POU4F2: variants seen among roughly 807,000 people sequenced by gnomAD.
POU4F2 encodes POU domain, class 4, transcription factor 2.
Under a neutral mutation model 21.5 loss-of-function variants are expected in POU4F2, and 10 were observed. The observed-to-expected ratio is 0.46, with a 90% CI of 0.29 to 0.79. POU4F2 has a LOEUF of 0.79. POU4F2 is among the 30% of genes least tolerant of loss of function. The pLI, the probability that POU4F2 is intolerant of heterozygous loss-of-function variation, is 0.10. For missense variants in POU4F2, 623 were observed against 603.3 expected, an observed-to-expected ratio of 1.03 and a Z score of -0.34; for synonymous variants, 324 against 271.1, an observed-to-expected ratio of 1.20 and a Z score of -1.92.
In POU4F2 at chr4:146,639,136, G is replaced by A. The variant is rs1243769635; in HGVS notation, c.-5G>A. The stretch of plus-strand genomic sequence containing the variant: ...CTACGGACCAGCGCCCCGGCGGGCG[G>A]GAAGATGATGATGATGTCCCTGAAC... On this transcript the variant is annotated 5_prime_UTR_variant, in exon 1 of 2. Coordinates refer to ENST00000281321, the MANE Select transcript of POU4F2 (RefSeq NM_004575.3). 1 of 1,603,360 alleles carries A rather than the reference G, an allele frequency of 6.2e-7. No individual in the cohort carries two copies. The highest frequency in any genetic ancestry group is 1.4e-5 in the African/African-American group (1 of 74,034).
chr4:146,639,935 C>T lies in POU4F2; in HGVS notation c.357C>T (p.Ile119=), dbSNP rs572923830. Residue 119 remains isoleucine, a synonymous_variant, in exon 2 of 2, where the codon ATC becomes ATT. Transcript: ENST00000281321. ...CCGAGGCTCTGGCAGCCGTGGACAT[C>T]GTCTCCCAGAGCAAGAGCCACCACC... ...ARAEALAAVD[I]VSQSKSHHHH... 2 of 1,599,406 alleles carry T rather than the reference C, an allele frequency of 1.3e-6. No homozygotes were observed. The highest frequency in any genetic ancestry group is 2.2e-5 in the East Asian group (1 of 44,692).
At position 146,640,628 on chromosome 4, in the gene POU4F2, G is replaced by C; in HGVS notation, c.1050G>C (p.Thr350=). 1.2e-6 allele frequency: 2 copies of C among 1,614,258 alleles called. No homozygotes were observed. Among genetic ancestry groups the C allele is most frequent in the East Asian group, 2.2e-5 (1 of 44,884 alleles). ...GCGCGGAGAAGAAGCGCAAGCGCAC[G>C]TCCATCGCTGCGCCAGAGAAGCGCT... ...FNGAEKKRKR[T]SIAAPEKRSL... The change falls in exon 2 of 2, where the codon ACG becomes ACC. Residue 350 remains threonine (T), a synonymous_variant. Coordinates refer to ENST00000281321, the MANE Select transcript of POU4F2 (RefSeq NM_004575.3). This position sits in a 1 kb window ranked among gnomAD's most constrained non-coding sequence, Gnocchi z 4.8.
chr4:146,639,857 A>T lies in POU4F2; in HGVS notation c.289-10A>T. ...TGAGCGTAATGTGTGCCTTCTACTTACAATTGCAGAGCAATATATTCGGCG... is the reference window on the plus strand; with the variant it reads ...TGAGCGTAATGTGTGCCTTCTACTTTCAATTGCAGAGCAATATATTCGGCG... On this transcript the variant is annotated splice_polypyrimidine_tract_variant and intron_variant, in intron 1 of 1. Coordinates refer to ENST00000281321, the MANE Select transcript of POU4F2 (RefSeq NM_004575.3). The T allele has an allele frequency of 1.3e-6, 2 of 1,524,226 alleles. No homozygotes were observed. The highest frequency in any genetic ancestry group is 1.8e-6 in the Non-Finnish European group (2 of 1,134,772). The allele number at this position is 1,524,226 out of a possible 1,614,324, so 94.4% of individuals were successfully genotyped here. A position where few individuals can be genotyped will look rare whatever the true frequency, so the allele number is the denominator to read the frequency against.
At position 146,642,413 on chromosome 4, in the gene POU4F2, T is replaced by C. The variant is rs573705095; in HGVS notation, c.*1605T>C. On this transcript the variant is annotated 3_prime_UTR_variant, in exon 2 of 2. Transcript: ENST00000281321. ...CATTGAAGAGATAATTTTAATGTTTTATTGGCAACGTATGCTGCTTTTTCA... is the reference window on the plus strand; with the variant it reads ...CATTGAAGAGATAATTTTAATGTTTCATTGGCAACGTATGCTGCTTTTTCA... The C allele has an allele frequency of 2.6e-5, 4 of 152,358 alleles. No homozygotes were observed. Among genetic ancestry groups the C allele is most frequent in the African/African-American group, 9.6e-5 (4 of 41,578 alleles). The allele number at this position is 152,358 out of a possible 1,614,324, so 9.4% of individuals were successfully genotyped here.
rs746997301 is a variant in POU4F2, at chr4:146,640,106, TCAC to T, written c.546_548del (p.His182del). 7.9e-5 allele frequency: 127 copies of T among 1,597,944 alleles called. 1 individual carries two copies. In the East Asian group the frequency reaches 1.2e-3, roughly 15 times the overall value. On this transcript the variant is annotated inframe_deletion, in exon 2 of 2. Transcript: ENST00000281321. The surrounding 1 kb of genome is among the most constrained non-coding windows in gnomAD (Gnocchi z 4.8). ...CGGGCACGCACCACCACCACCACCA[TCAC>T]CACCACCACCACCACCAACCGCACC...
chr4:146,639,909 G>T lies in POU4F2; in HGVS notation c.331G>T (p.Ala111Ser), dbSNP rs776725541. The T allele has an allele frequency of 2.5e-6, 4 of 1,576,042 alleles. No individual in the cohort carries two copies. Among genetic ancestry groups the T allele is most frequent in the African/African-American group, 1.3e-5 (1 of 74,320 alleles). ...GGLDESLLAR[A>S]EALAAVDIVS... ...GCTGGATGAGAGTCTGCTGGCCCGCGCCGAGGCTCTGGCAGCCGTGGACAT... is the reference window on the plus strand; with the variant it reads ...GCTGGATGAGAGTCTGCTGGCCCGCTCCGAGGCTCTGGCAGCCGTGGACAT... Residue 111 changes from alanine (A) to serine (S), a missense_variant, in exon 2 of 2, where the codon GCC (alanine) becomes TCC (serine). By Grantham distance (99) the Ala-to-Ser change is moderately conservative. Transcript: ENST00000281321.
At position 146,641,988 on chromosome 4, in the gene POU4F2, C is replaced by T. The variant is rs998239016; in HGVS notation, c.*1180C>T. On this transcript the variant is annotated 3_prime_UTR_variant, in exon 2 of 2. Transcript: ENST00000281321. ...TTGCCCTTCAGATTTTAGATTTCAC[C>T]AAGGTATTTCAGTCTTCCAGTTTTC... is the stretch of plus-strand genomic sequence containing the variant. 1 of 152,584 alleles carries T rather than the reference C, an allele frequency of 6.6e-6. No individual in the cohort carries two copies. Among genetic ancestry groups the T allele is most frequent in the Admixed American group, 6.5e-5 (1 of 15,268 alleles). 9.5% of individuals were successfully genotyped at this position (152,584 alleles called of 1,614,324 possible).
chr4:146,639,050 C>A lies in POU4F2; in HGVS notation c.-91C>A. ...CAACTTCGCACAGCCCTTCCCAGCT[C>A]CAGCCCCGGCTGGCCCGGCACTTCT... On this transcript the variant is annotated 5_prime_UTR_variant, in exon 1 of 2. Transcript: ENST00000281321. The A allele has an allele frequency of 1.3e-5, 20 of 1,494,414 alleles. No individual in the cohort carries two copies. Among genetic ancestry groups the A allele is most frequent in the Non-Finnish European group, 1.8e-5 (20 of 1,121,838 alleles). The allele number at this position is 1,494,414 out of a possible 1,614,324, so 92.6% of individuals were successfully genotyped here. A position where few individuals can be genotyped will look rare whatever the true frequency, so the allele number is the denominator to read the frequency against.
rs181533280 is a variant in POU4F2 at position 146,639,522 on chromosome 4, C to T, written c.288+94C>T. 4 of 1,423,712 alleles carry T rather than the reference C, an allele frequency of 2.8e-6. No homozygotes were observed. The African/African-American group carries it at 6.0e-5, about 21-fold the overall frequency. The allele number at this position is 1,423,712 out of a possible 1,614,324, so 88.2% of individuals were successfully genotyped here. ...TTTTCATGTCTGCACAGCAAATCAC[C>T]CCACACCTCCAACCAATTTTCCCCT... On this transcript the variant is annotated intron_variant, in intron 1 of 1. Coordinates refer to ENST00000281321, the MANE Select transcript of POU4F2 (RefSeq NM_004575.3).
rs754454809 is a variant in POU4F2, at chr4:146,640,627, C to A, written c.1049C>A (p.Thr350Lys). The A allele has an allele frequency of 6.2e-7, 1 of 1,614,232 alleles. No homozygotes were observed. ...GGCGCGGAGAAGAAGCGCAAGCGCA[C>A]GTCCATCGCTGCGCCAGAGAAGCGC... ...FNGAEKKRKR[T>K]SIAAPEKRSL... Residue 350 changes from threonine (T) to lysine (K), a missense_variant, in exon 2 of 2, where the codon ACG (threonine) becomes AAG (lysine). Coordinates refer to ENST00000281321, the MANE Select transcript of POU4F2 (RefSeq NM_004575.3). The surrounding 1 kb of genome is among the most constrained non-coding windows in gnomAD (Gnocchi z 4.8).
rs530695040 is a variant in POU4F2, at chr4:146,639,305, TGGCGGCGGCGGCGGC to T, written c.186_200del (p.Gly64_Gly68del). ...CCAGCAGCTCGAGCAACGCTGGTGGTGGCGGCGGCGGCGGCGGCGGCGGCGGCGGCGGCGGAGGCC... is the reference window on the plus strand; with the variant it reads ...CCAGCAGCTCGAGCAACGCTGGTGGTGGCGGCGGCGGCGGCGGCGGAGGCC... On this transcript the variant is annotated inframe_deletion, in exon 1 of 2. Coordinates refer to ENST00000281321, the MANE Select transcript of POU4F2 (RefSeq NM_004575.3). 1,373 of 1,306,314 alleles carry T rather than the reference TGGCGGCGGCGGCGGC, an allele frequency of 1.1e-3. 19 individuals are homozygous for T. In the African/African-American group the frequency reaches 0.014, roughly 13 times the overall value. The allele number at this position is 1,306,314 out of a possible 1,614,324, so 80.9% of individuals were successfully genotyped here.
rs761112950 is a variant in POU4F2, at chr4:146,640,225, C to T, written c.647C>T (p.Pro216Leu). The change falls in exon 2 of 2, where the codon CCG becomes CTG. Residue 216 changes from proline to leucine, a missense_variant. Physicochemically the swap from Pro to Leu is moderately conservative, Grantham distance 98 (BLOSUM62 -3). Transcript: ENST00000281321. This position sits in a 1 kb window ranked among gnomAD's most constrained non-coding sequence, Gnocchi z 4.8. ...AGPDGAVVST[P>L]AHAPHMATMN... is the part of the protein sequence containing the mutation. ...CCCGACGGCGCTGTGGTGTCCACGCCGGCTCACGCGCCGCACATGGCCACC... is the reference window on the plus strand; with the variant it reads ...CCCGACGGCGCTGTGGTGTCCACGCTGGCTCACGCGCCGCACATGGCCACC... The T allele has an allele frequency of 4.4e-6, 7 of 1,575,832 alleles. No homozygotes were observed. Among genetic ancestry groups the T allele is most frequent in the African/African-American group, 1.3e-5 (1 of 74,402 alleles).
At position 146,642,348 on chromosome 4, in the gene POU4F2, T is replaced by C. The variant is rs1457453671; in HGVS notation, c.*1540T>C. On this transcript the variant is annotated 3_prime_UTR_variant, in exon 2 of 2. Transcript: ENST00000281321. Reference sequence around the variant, plus strand: ...TTAATAGATGGTTTATTTACTATGGTAATGTATTAATTTATTTTTGGTGTT... The same window carrying C: ...TTAATAGATGGTTTATTTACTATGGCAATGTATTAATTTATTTTTGGTGTT... The C allele has an allele frequency of 6.6e-6, 1 of 152,264 alleles. No individual in the cohort carries two copies. The highest frequency in any genetic ancestry group is 1.5e-5 in the Non-Finnish European group (1 of 68,044). The allele number at this position is 152,264 out of a possible 1,614,324, so 9.4% of individuals were successfully genotyped here.
rs765481755 is a variant in POU4F2, at chr4:146,640,940, G to T, written c.*132G>T. The T allele has an allele frequency of 3.2e-5, 33 of 1,017,500 alleles. No homozygotes were observed. Among genetic ancestry groups the T allele is most frequent in the Non-Finnish European group, 4.1e-5 (30 of 728,446 alleles). The allele number at this position is 1,017,500 out of a possible 1,614,324, so 63.0% of individuals were successfully genotyped here. On this transcript the variant is annotated 3_prime_UTR_variant, in exon 2 of 2. Transcript: ENST00000281321. This position sits in a 1 kb window ranked among gnomAD's most constrained non-coding sequence, Gnocchi z 4.8. ...GAATCTCGACAAATCGAGGACTGAA[G>T]AGGGAGCGAACGAGCGAACAACTGA...
In POU4F2 at chr4:146,640,844, C is replaced by A. The variant is rs756402096; in HGVS notation, c.*36C>A. Reference sequence around the variant, plus strand: ...GCCTCTCCAGAGACGCCCCTTTCCTCGTCCGCTCTTTTCTCTCCTCTCTTC... The same window carrying A: ...GCCTCTCCAGAGACGCCCCTTTCCTAGTCCGCTCTTTTCTCTCCTCTCTTC... On this transcript the variant is annotated 3_prime_UTR_variant, in exon 2 of 2. Coordinates refer to ENST00000281321, the MANE Select transcript of POU4F2 (RefSeq NM_004575.3). This position sits in a 1 kb window ranked among gnomAD's most constrained non-coding sequence, Gnocchi z 4.8. The A allele has an allele frequency of 6.5e-6, 10 of 1,527,918 alleles. No homozygotes were observed. The highest frequency in any genetic ancestry group is 2.2e-5 in the Admixed American group (1 of 46,202). 94.6% of individuals were successfully genotyped at this position (1,527,918 alleles called of 1,614,324 possible). A position where few individuals can be genotyped will look rare whatever the true frequency, so the allele number is the denominator to read the frequency against.
Position 146,639,112 on chromosome 4 carries a change from T to A in POU4F2, c.-29T>A, listed in dbSNP as rs1404539768. On this transcript the variant is annotated 5_prime_UTR_variant, in exon 1 of 2. Transcript: ENST00000281321. ...GGCAGCCGGGACCAGTGAGTGCCTCTACGGACCAGCGCCCCGGCGGGCGGG... is the reference window on the plus strand; with the variant it reads ...GGCAGCCGGGACCAGTGAGTGCCTCAACGGACCAGCGCCCCGGCGGGCGGG... 3.8e-6 allele frequency: 6 copies of A among 1,597,282 alleles called. No homozygotes were observed. The highest frequency in any genetic ancestry group is 5.1e-6 in the Non-Finnish European group (6 of 1,173,334).
In POU4F2 at chr4:146,641,601, A is replaced by G. The variant is rs1740887985; in HGVS notation, c.*793A>G. ...AGTAACGTTCAAAAAATTTTGTTTG[A>G]TGAGTTTACCGAATTTTTACAGCTT... On this transcript the variant is annotated 3_prime_UTR_variant, in exon 2 of 2. Coordinates refer to ENST00000281321, the MANE Select transcript of POU4F2 (RefSeq NM_004575.3). 3 of 152,750 alleles carry G rather than the reference A, an allele frequency of 2.0e-5. No individual in the cohort carries two copies. The highest frequency in any genetic ancestry group is 4.4e-5 in the Non-Finnish European group (3 of 68,032). The allele number at this position is 152,750 out of a possible 1,614,324, so 9.5% of individuals were successfully genotyped here.
chr4:146,639,915 G>A lies in POU4F2; in HGVS notation c.337G>A (p.Ala113Thr). The change falls in exon 2 of 2, where the codon GCT becomes ACT. Residue 113 changes from alanine (A) to threonine (T), a missense_variant. By Grantham distance (58) the Ala-to-Thr change is moderately conservative. Coordinates refer to ENST00000281321, the MANE Select transcript of POU4F2 (RefSeq NM_004575.3). ...LDESLLARAE[A>T]LAAVDIVSQS... ...TGAGAGTCTGCTGGCCCGCGCCGAG[G>A]CTCTGGCAGCCGTGGACATCGTCTC... The A allele has an allele frequency of 1.3e-6, 2 of 1,581,070 alleles. No individual in the cohort carries two copies. The highest frequency in any genetic ancestry group is 1.7e-6 in the Non-Finnish European group (2 of 1,162,106).
At chr4:146,639,844 G>T in intron 1 of POU4F2, 23 bp from the exon 2 acceptor site, 1 of 1,518,276 alleles carries the variant, frequency 6.6e-7, no homozygotes, top group Non-Finnish European at 8.8e-7. Flanking sequence ...AGCGTAATGT[G>T]TGCCTTCTAC....
Sources: allele counts gnomAD v4.1 joint callset, GRCh38; gene constraint gnomAD v4.1.1; non-coding constraint Gnocchi (gnomAD v3.1); transcripts MANE v1.5; gene names NCBI Gene and HGNC (gene_info 2026-07-23, HGNC 2026-07-21).